FSTL5: variants seen among roughly 807,000 people sequenced by gnomAD.
FSTL5 encodes the protein follistatin-related protein 5.
In FSTL5, 62 loss-of-function variants were observed where a neutral mutation model predicts 89.1. The observed-to-expected ratio is 0.70, with a 90% CI of 0.57 to 0.86. FSTL5 has a LOEUF of 0.86. Among genes scored for constraint, FSTL5 ranks in the 40% least tolerant of loss-of-function variants. The pLI, the probability that FSTL5 is intolerant of heterozygous loss-of-function variation, is 0.00. For synonymous variants in FSTL5, 383 were observed against 346.2 expected (o/e 1.11, Z -1.18); for missense variants, 1,057 against 1,001.6 (o/e 1.06, Z -0.75).
intron 15 of FSTL5, among the ~76,000 whole-genome samples, chr4:161,453,065 C>G (rs1200511997): frequency 1.3e-5 from 2 of 152,114 alleles, no homozygotes; most frequent in African/African-American, 2.4e-5. Flanking sequence ...ACAAATAGCA[C>G]TTACTGCATG....
intron 13 of FSTL5, among the ~76,000 whole-genome samples, chr4:161,465,897 A>G (rs2126423316): frequency 6.6e-6 from 1 of 152,292 alleles, no homozygotes; most frequent in South Asian, 2.1e-4. Context: ...GTTTTATTGA[A>G]TTATTAAACA....
chr4:161,839,800 AT>A (rs1731156979), intron 4 of FSTL5, among the ~76,000 whole-genome samples: 1 of 152,198 alleles, frequency 6.6e-6, no homozygotes, highest in Non-Finnish European at 1.5e-5. Flanking sequence ...TACATAGTGT[AT>A]GCATTTGCTA....
intron 13 of FSTL5, among the ~76,000 whole-genome samples, chr4:161,471,056 G>A (rs1733918200): frequency 6.6e-6 from 1 of 152,124 alleles, no homozygotes; most frequent in Non-Finnish European, 1.5e-5. Context: ...TTTTAACTTG[G>A]AAGGCTTTTA....
intron 8 of FSTL5, among the ~76,000 whole-genome samples, chr4:161,580,768 G>A (rs892802899): frequency 6.6e-6 from 1 of 152,058 alleles, no homozygotes; most frequent in South Asian, 2.1e-4. Context: ...AGTTAGATTG[G>A]GGCAAAAGTA....
intron 13 of FSTL5, among the ~76,000 whole-genome samples, chr4:161,466,834 A>C (rs1279761420): frequency 2.0e-5 from 3 of 152,156 alleles, no homozygotes; most frequent in African/African-American, 7.2e-5. Flanking sequence ...ATTTGCTGAA[A>C]ACAAATACAC....
chr4:162,094,211 C>A (rs1245917688), intron 2 of FSTL5, among the ~76,000 whole-genome samples: 5 of 151,980 alleles, frequency 3.3e-5, no homozygotes, highest in Non-Finnish European at 5.9e-5. Flanking sequence ...ACAGGGTGAA[C>A]CCCTTCTCTA....
At chr4:161,470,096 A>T (rs186234127) in intron 13 of FSTL5, among the ~76,000 whole-genome samples, 4,538 of 152,068 alleles carry the variant, frequency 0.03, 168 homozygotes, top group East Asian at 0.13. Context: ...ATAATTTTTT[A>T]AAAAAATTAT....
chr4:161,883,812 C>T (rs6841128), intron 4 of FSTL5, among the ~76,000 whole-genome samples: 126,810 of 152,098 alleles, frequency 0.83, 53,496 homozygotes, highest in Non-Finnish European at 0.9. Context: ...ACCGGCAGAG[C>T]GGAAGACTCA....
intron 6 of FSTL5, among the ~76,000 whole-genome samples, chr4:161,710,771 A>T (rs1327722022): frequency 6.6e-6 from 1 of 152,204 alleles, no homozygotes; most frequent in East Asian, 1.9e-4. Context: ...TTCAGTTATA[A>T]ATCTGAAGTA....
chr4:161,569,797 A>C (rs868333474), intron 8 of FSTL5, among the ~76,000 whole-genome samples: 104 of 110,814 alleles, frequency 9.4e-4, no homozygotes, highest in Non-Finnish European at 1.3e-3. Context: ...ACACACACAC[A>C]CACCCCACAT....
intron 4 of FSTL5, among the ~76,000 whole-genome samples, chr4:161,884,691 A>T (rs1440595): frequency 0.83 from 126,840 of 152,144 alleles, 53,509 homozygotes; most frequent in Non-Finnish European, 0.9. Flanking sequence ...TTGATGTGAA[A>T]CTATAGAGCT....
intron 7 of FSTL5, among the ~76,000 whole-genome samples, chr4:161,603,766 C>A (rs1292967717): frequency 4.6e-5 from 7 of 152,002 alleles, no homozygotes; most frequent in Non-Finnish European, 2.9e-5. Context: ...GTCTCCGAGA[C>A]AATAACCAAA....
intron 6 of FSTL5, among the ~76,000 whole-genome samples, chr4:161,676,061 A>G (rs549901788): frequency 6.6e-6 from 1 of 152,138 alleles, no homozygotes; most frequent in Non-Finnish European, 1.5e-5. Context: ...CTAGCTACAG[A>G]ATGTTAGTTT....
intron 5 of FSTL5, among the ~76,000 whole-genome samples, chr4:161,770,415 T>C (rs1741166417): frequency 6.6e-6 from 1 of 151,992 alleles, no homozygotes; most frequent in African/African-American, 2.4e-5. Flanking sequence ...TTCCATGATG[T>C]GATTACTGTA....
chr4:161,537,191 C>G (rs4359857), intron 10 of FSTL5, among the ~76,000 whole-genome samples: 3 of 151,966 alleles, frequency 2.0e-5, no homozygotes, highest in Admixed American at 6.6e-5. Flanking sequence ...ATAGGAAGAC[C>G]CCTGGCTGGA....
chr4:161,466,674 A>G (rs1733758000), intron 13 of FSTL5, among the ~76,000 whole-genome samples: 1 of 152,160 alleles, frequency 6.6e-6, no homozygotes, highest in Admixed American at 6.6e-5. Context: ...ACTACACAAC[A>G]TCACCTGTAT....
At chr4:162,148,849 T>C (rs1247252921) in intron 1 of FSTL5, among the ~76,000 whole-genome samples, 2 of 152,178 alleles carry the variant, frequency 1.3e-5, no homozygotes, top group Non-Finnish European at 2.9e-5. Flanking sequence ...TAATTCTAAA[T>C]GAATTTTAAG....
At chr4:161,432,220 C>T (rs905571923) in intron 15 of FSTL5, among the ~76,000 whole-genome samples, 11 of 152,014 alleles carry the variant, frequency 7.2e-5, no homozygotes, top group African/African-American at 1.7e-4. Context: ...ACAAATGAGT[C>T]TTAAAACGTT....
intron 4 of FSTL5, among the ~76,000 whole-genome samples, chr4:161,813,125 C>T (rs947389269): frequency 6.6e-6 from 1 of 151,416 alleles, no homozygotes; most frequent in Non-Finnish European, 1.5e-5. Context: ...CTCCTGGGTT[C>T]AAGTGATTCT....
Sources: gnomAD v4.1 joint callset for allele counts (sites outside exome capture counted in the v4.1 genomes callset) on GRCh38, gnomAD v4.1.1 for gene constraint, MANE v1.5 for transcripts, NCBI Gene and HGNC (gene_info 2026-07-23, HGNC 2026-07-21) for gene names.